The following TMEM132D variants were observed in gnomAD, a reference collection of about 807,000 sequenced individuals.
TMEM132D encodes the protein mature OL transmembrane protein.
Under a neutral mutation model 62.3 loss-of-function variants are expected in TMEM132D, and 21 were observed. That is an observed-to-expected ratio of 0.34 (90% CI 0.24 to 0.49). The LOEUF (loss-of-function observed/expected upper bound fraction) is 0.49, where lower values mean the gene tolerates loss of function less well. Among genes scored for constraint, TMEM132D ranks in the 20% least tolerant of loss-of-function variants. The pLI, the probability that TMEM132D is intolerant of heterozygous loss-of-function variation, is 0.99. For missense variants in TMEM132D, 1,346 were observed against 1,402.8 expected, an observed-to-expected ratio of 0.96 and a Z score of 0.65; for synonymous variants, 621 against 575.6, an observed-to-expected ratio of 1.08 and a Z score of -1.13.
intron 1 of TMEM132D, among the ~76,000 whole-genome samples, chr12:129,839,215 C>T (rs542668062): frequency 2.2e-4 from 32 of 148,098 alleles, no homozygotes; most frequent in African/African-American, 6.8e-4. Flanking sequence ...CCGCAACCTT[C>T]GCCTCCTGGT....
chr12:129,499,036 A>T (rs1431858443), intron 3 of TMEM132D, among the ~76,000 whole-genome samples: 1 of 152,196 alleles, frequency 6.6e-6, no homozygotes, highest in Non-Finnish European at 1.5e-5. Flanking sequence ...TCATTCCTTC[A>T]GAAATATATA....
chr12:129,367,788 T>C (rs1347558750), intron 3 of TMEM132D, among the ~76,000 whole-genome samples: 1 of 149,622 alleles, frequency 6.7e-6, no homozygotes, highest in Non-Finnish European at 1.5e-5. Context: ...TTTTTTTTTT[T>C]TTTTTTCGTT....
At chr12:129,423,177 CACACATAT>C (rs1263998546) in intron 3 of TMEM132D, among the ~76,000 whole-genome samples, 1 of 152,134 alleles carries the variant, frequency 6.6e-6, no homozygotes, top group African/African-American at 2.4e-5. Flanking sequence ...CACACACATA[CACACATAT>C]ACAAACCCTC....
intron 5 of TMEM132D, among the ~76,000 whole-genome samples, chr12:129,088,814 C>T (rs1365110474): frequency 5.5e-5 from 2 of 36,162 alleles, no homozygotes; most frequent in Non-Finnish European, 9.8e-5. Flanking sequence ...CCTCCCTGAC[C>T]GGGTGTCCTC....
intron 3 of TMEM132D, among the ~76,000 whole-genome samples, chr12:129,449,531 G>C (rs942433329): frequency 6.6e-6 from 1 of 152,112 alleles, no homozygotes; most frequent in Non-Finnish European, 1.5e-5. Flanking sequence ...TTCTCTCCTT[G>C]GTCAGGCTAG....
Position 129,593,033 on chromosome 12 carries a change from T to C in TMEM132D, c.969-61828A>G, listed in dbSNP as rs1158161658. Among the ~76,000 whole-genome samples, 5 of 152,146 alleles carry C rather than the reference T, an allele frequency of 3.3e-5. No individual in the cohort carries two copies. In the East Asian group the frequency reaches 9.7e-4, roughly 29 times the overall value. ...TTCCCAAATTGATGCCACATGGAGG[T>C]ATGGAAGTTACAGAGACCTATGAGG... On this transcript the variant is annotated intron_variant, in intron 2 of 8. Coordinates refer to ENST00000422113, the MANE Select transcript of TMEM132D (RefSeq NM_133448.3).
intron 1 of TMEM132D, among the ~76,000 whole-genome samples, chr12:129,862,798 A>C (rs1873938011): frequency 6.6e-6 from 1 of 152,114 alleles, no homozygotes; most frequent in Non-Finnish European, 1.5e-5. Context: ...ATAAAATAAA[A>C]ACACGACTGA....
At chr12:129,833,048 C>T (rs1317165129) in intron 1 of TMEM132D, among the ~76,000 whole-genome samples, 1 of 152,178 alleles carries the variant, frequency 6.6e-6, no homozygotes, top group Non-Finnish European at 1.5e-5. Flanking sequence ...TGCCTCTGGC[C>T]GATGTCCAGA....
At chr12:129,635,227 T>C (rs1257539744) in intron 2 of TMEM132D, among the ~76,000 whole-genome samples, 2 of 152,354 alleles carry the variant, frequency 1.3e-5, no homozygotes, top group Non-Finnish European at 2.9e-5. Flanking sequence ...CTGAGGTCTT[T>C]AGTAGTCATG....
intron 1 of TMEM132D, chr12:129,854,560 C>T (rs1873654977): frequency 6.6e-6 from 1 of 152,158 alleles, no homozygotes. Context: ...AAAAAACTGA[C>T]CTTGTGGAAC....
intron 5 of TMEM132D, among the ~76,000 whole-genome samples, chr12:129,160,724 G>C (rs943117471): frequency 3.9e-5 from 6 of 152,188 alleles, no homozygotes; most frequent in Non-Finnish European, 8.8e-5. Flanking sequence ...TAGCCTGATA[G>C]ATAGACAGGT....
chr12:129,103,587 T>C (rs1875387135), intron 5 of TMEM132D, among the ~76,000 whole-genome samples: 1 of 152,336 alleles, frequency 6.6e-6, no homozygotes, highest in East Asian at 1.9e-4. Flanking sequence ...TTCCAGAGTG[T>C]CACCCAGGCC....
intron 2 of TMEM132D, among the ~76,000 whole-genome samples, chr12:129,685,732 C>G (rs1228384215): frequency 6.6e-6 from 1 of 152,188 alleles, no homozygotes; most frequent in Non-Finnish European, 1.5e-5. Flanking sequence ...GCTGCAGACA[C>G]AATGCCAGCC....
At chr12:129,094,233 A>G (rs939978822) in intron 5 of TMEM132D, among the ~76,000 whole-genome samples, 5 of 152,264 alleles carry the variant, frequency 3.3e-5, no homozygotes, top group Non-Finnish European at 7.3e-5. Context: ...CTACCATCAG[A>G]GTGAACAGGC....
chr12:129,353,890 C>T (rs144441418), intron 3 of TMEM132D, among the ~76,000 whole-genome samples: 2 of 152,082 alleles, frequency 1.3e-5, no homozygotes, highest in East Asian at 1.9e-4. Flanking sequence ...AGGCATCTCT[C>T]GGAGGTCTAA....
Position 129,726,005 on chromosome 12 carries a change from G to A in TMEM132D, c.80-25307C>T, listed in dbSNP as rs76801035. ...CTGGGATTTTGATACTTACCAGGTA[G>A]AGGATATGCATGTCACCAGTCCCTA... On this transcript the variant is annotated intron_variant, in intron 1 of 8. Transcript: ENST00000422113. Among the ~76,000 whole-genome samples, 530 of 152,342 alleles carry A rather than the reference G, an allele frequency of 3.5e-3. 8 individuals are homozygous for A. In the East Asian group the frequency reaches 0.037, roughly 11 times the overall value.
chr12:129,137,345 A>G (rs1303153075), intron 5 of TMEM132D, among the ~76,000 whole-genome samples: 3 of 152,198 alleles, frequency 2.0e-5, no homozygotes, highest in Non-Finnish European at 4.4e-5. Context: ...AAATTACTTC[A>G]TAGTCACTAA....
intron 2 of TMEM132D, among the ~76,000 whole-genome samples, chr12:129,531,709 A>T (rs1033529635): frequency 6.6e-6 from 1 of 152,162 alleles, no homozygotes; most frequent in Non-Finnish European, 1.5e-5. Flanking sequence ...AGGTTCAGAT[A>T]GGGGAAGGAA....
chr12:129,172,772 T>C (rs987252060), intron 5 of TMEM132D, among the ~76,000 whole-genome samples: 1 of 152,130 alleles, frequency 6.6e-6, no homozygotes, highest in Non-Finnish European at 1.5e-5. Context: ...GAGACAGGGT[T>C]TCTCTATGTT....
Sources: allele counts gnomAD v4.1 joint callset (sites outside exome capture counted in the v4.1 genomes callset), GRCh38; gene constraint gnomAD v4.1.1; transcripts MANE v1.5; gene names NCBI Gene and HGNC (gene_info 2026-07-23, HGNC 2026-07-21).